ACTA2: variants seen among roughly 807,000 people sequenced by gnomAD.
The protein encoded by ACTA2 is actin alpha 2, smooth muscle.
A neutral mutation model predicts 39.5 loss-of-function variants in ACTA2; 12 were observed. The ratio of observed to expected loss-of-function variants is 0.30; its 90% CI spans 0.19 to 0.49. The LOEUF is 0.49. ACTA2 is among the 20% of genes least tolerant of loss of function. ACTA2 has a pLI of 0.99. For synonymous variants in ACTA2, 158 were observed against 180.6 expected (o/e 0.88, Z 1.00); for missense variants, 236 against 498.8 (o/e 0.47, Z 5.02).
At chr10:88,937,577 G>C (rs1313764851) in intron 8 of ACTA2, among the ~76,000 whole-genome samples, 1 of 152,176 alleles carries the variant, frequency 6.6e-6, no homozygotes, top group Non-Finnish European at 1.5e-5. Flanking sequence ...AGATGTGCTA[G>C]ACAGAGGAAT....
intron 3 of ACTA2, 79 bp from the exon 4 acceptor site, chr10:88,943,986 G>T (rs1218944755): frequency 7.5e-7 from 1 of 1,340,894 alleles, no homozygotes; most frequent in Non-Finnish European, 1.1e-6. Flanking sequence ...GGGACCAGAA[G>T]CTACTTGAAA....
At chr10:88,989,171 G>T (rs1175211403) in intron 1 of ACTA2, among the ~76,000 whole-genome samples, 1 of 152,068 alleles carries the variant, frequency 6.6e-6, no homozygotes, top group Non-Finnish European at 1.5e-5. Context: ...ATAATGATAA[G>T]TATTAAGTAA....
chr10:88,949,133 G>A (rs1846005929), intron 1 of ACTA2, among the ~76,000 whole-genome samples, 180 bp from the exon 2 acceptor site: 1 of 152,174 alleles, frequency 6.6e-6, no homozygotes, highest in African/African-American at 2.4e-5. Context: ...TAAGCTTTCA[G>A]TAAGCTGAAA....
Position 88,947,401 on chromosome 10 carries a change from C to A in ACTA2, c.130-15G>T, listed in dbSNP as rs773222828. The A allele has an allele frequency of 6.2e-7, 1 of 1,613,674 alleles. No homozygotes were observed. Among genetic ancestry groups the A allele is most frequent in the Non-Finnish European group, 8.5e-7 (1 of 1,179,762 alleles). On this transcript the variant is annotated splice_polypyrimidine_tract_variant and intron_variant, in intron 2 of 8. Transcript: ENST00000224784. The stretch of plus-strand genomic sequence containing the variant: ...ACCATCACCCCCTAAAAAGGTTCAA[C>A]ACATTATGAGTCAGCATCTCCCAAA...
chr10:88,937,945 C>T, intron 8 of ACTA2, 116 bp downstream of exon 8: 4 of 1,181,862 alleles, frequency 3.4e-6, no homozygotes, highest in African/African-American at 1.5e-5. Context: ...CCATTACCTA[C>T]CCCTAAAACC....
In ACTA2 at chr10:88,941,128, C is replaced by T. The variant is rs181847090; in HGVS notation, c.616+101G>A. 3.8e-5 allele frequency: 58 copies of T among 1,516,846 alleles called. No individual in the cohort carries two copies. The East Asian group carries it at 1.2e-3, about 32-fold the overall frequency. The allele number at this position is 1,516,846 out of a possible 1,614,324, so 94.0% of individuals were successfully genotyped here. On this transcript the variant is annotated intron_variant, in intron 6 of 8. Transcript: ENST00000224784. ...CATTAGAGCCAGGCCTTGCCATTTG[C>T]AAAACTTCATCCCATCATCTCCTTG...
intron 1 of ACTA2, among the ~76,000 whole-genome samples, chr10:88,982,541 G>C (rs1374928705): frequency 1.3e-5 from 2 of 152,100 alleles, no homozygotes; most frequent in African/African-American, 4.8e-5. Context: ...CACTGAGGGG[G>C]GAATTCATGG....
chr10:88,973,770 A>G (rs1846500935), intron 1 of ACTA2: 1 of 152,546 alleles, frequency 6.6e-6, no homozygotes, highest in Admixed American at 6.5e-5. Flanking sequence ...ACAGGTATAT[A>G]TATTTGCATA....
chr10:88,966,290 C>A (rs1224293684), intron 1 of ACTA2, among the ~76,000 whole-genome samples: 1 of 152,138 alleles, frequency 6.6e-6, no homozygotes, highest in Non-Finnish European at 1.5e-5. Context: ...AGGCTTATGT[C>A]CTCAGAGAAC....
chr10:88,957,561 G>A (rs1020308024), upstream of ACTA2, among the ~76,000 whole-genome samples: 9 of 152,072 alleles, frequency 5.9e-5, no homozygotes, highest in Admixed American at 1.3e-4. Flanking sequence ...ACATTGCCCC[G>A]GTGATATGGA....
At chr10:88,984,366 G>A (rs972706453) in intron 1 of ACTA2, among the ~76,000 whole-genome samples, 1 of 152,120 alleles carries the variant, frequency 6.6e-6, no homozygotes, top group African/African-American at 2.4e-5. Flanking sequence ...CTACCTTTCT[G>A]CCTGTATAGG....
intron 1 of ACTA2, among the ~76,000 whole-genome samples, chr10:88,966,669 G>C (rs916239345): frequency 6.6e-6 from 1 of 152,176 alleles, no homozygotes; most frequent in African/African-American, 2.4e-5. Flanking sequence ...CTGGCTGTCT[G>C]TGTTTGGGCA....
At chr10:88,968,303 G>A (rs1367380221) in intron 1 of ACTA2, among the ~76,000 whole-genome samples, 1 of 152,186 alleles carries the variant, frequency 6.6e-6, no homozygotes, top group Non-Finnish European at 1.5e-5. Context: ...TTCTTATTTT[G>A]TAGCCAGCAT....
chr10:88,971,417 C>G (rs924013438), intron 1 of ACTA2, among the ~76,000 whole-genome samples: 2 of 152,216 alleles, frequency 1.3e-5, no homozygotes, highest in Non-Finnish European at 2.9e-5. Context: ...CTGTTGCAGT[C>G]TTTGGCAACA....
intron 5 of ACTA2, 118 bp from the exon 6 acceptor site, chr10:88,941,508 A>G: frequency 7.5e-7 from 1 of 1,328,204 alleles, no homozygotes; most frequent in Non-Finnish European, 1.1e-6. Context: ...TTAAAAAGAG[A>G]AAACAGGGCA....
intron 1 of ACTA2, among the ~76,000 whole-genome samples, chr10:88,976,595 T>C (rs1846569750): frequency 6.6e-6 from 1 of 152,222 alleles, no homozygotes; most frequent in Non-Finnish European, 1.5e-5. Flanking sequence ...TGAAAATGAC[T>C]AACATATCTC....
intron 7 of ACTA2, among the ~76,000 whole-genome samples, chr10:88,938,889 A>G (rs113421407): frequency 0.022 from 3,293 of 152,250 alleles, 57 homozygotes; most frequent in South Asian, 0.084. Flanking sequence ...GATATCTGAT[A>G]ATTATTGAAT....
chr10:88,954,462 T>C (rs1381685221), upstream of ACTA2, among the ~76,000 whole-genome samples: 1 of 152,198 alleles, frequency 6.6e-6, no homozygotes, highest in Admixed American at 6.5e-5. Context: ...ACAGGAATCA[T>C]GTGAAGCAAA....
intron 1 of ACTA2, among the ~76,000 whole-genome samples, chr10:88,988,619 T>A (rs1846992566): frequency 6.6e-6 from 1 of 152,134 alleles, no homozygotes; most frequent in Non-Finnish European, 1.5e-5. Context: ...AATTCTATTA[T>A]TAAAATTTTA....
Sources: gnomAD v4.1 joint callset for allele counts (sites outside exome capture counted in the v4.1 genomes callset) on GRCh38, gnomAD v4.1.1 for gene constraint, MANE v1.5 for transcripts, NCBI Gene and HGNC (gene_info 2026-07-23, HGNC 2026-07-21) for gene names.